WWP2: variants seen among roughly 807,000 people sequenced by gnomAD.
WWP2 encodes NEDD4-like E3 ubiquitin-protein ligase WWP2.
Under a neutral mutation model 121.0 loss-of-function variants are expected in WWP2, and 57 were observed. The observed-to-expected ratio is 0.47, with a 90% CI of 0.38 to 0.59. The LOEUF is 0.59. WWP2 is among the 20% of genes least tolerant of loss of function. WWP2 has a pLI of 0.00. For missense variants in WWP2, 962 were observed against 1,158.9 expected, an observed-to-expected ratio of 0.83 and a Z score of 2.47; for synonymous variants, 449 against 441.3, an observed-to-expected ratio of 1.02 and a Z score of -0.22.
At chr16:69,912,365 A>G (rs985889568) in intron 9 of WWP2, among the ~76,000 whole-genome samples, 1 of 99,758 alleles carries the variant, frequency 1.0e-5, no homozygotes. Context: ...GCAGGGAGTT[A>G]GATTCACACA....
intron 4 of WWP2, among the ~76,000 whole-genome samples, chr16:69,822,617 C>T (rs997891539): frequency 2.0e-5 from 3 of 151,762 alleles, no homozygotes; most frequent in East Asian, 3.9e-4. Context: ...GACACCTGGA[C>T]ACCAGAAAGA....
At chr16:69,920,888 A>C (rs564603989) in intron 10 of WWP2, among the ~76,000 whole-genome samples, 1 of 152,300 alleles carries the variant, frequency 6.6e-6, no homozygotes, top group Admixed American at 6.5e-5. Flanking sequence ...GGTGTGTGAA[A>C]GGGAAGATTC....
chr16:69,762,546 C>G (rs2151759569), intron 1 of WWP2, among the ~76,000 whole-genome samples, 155 bp downstream of exon 1: 1 of 150,382 alleles, frequency 6.6e-6, no homozygotes, highest in African/African-American at 2.4e-5. Context: ...GCGGTTCCGG[C>G]CTCCGAGGAG....
chr16:69,869,676 T>C lies in WWP2; in HGVS notation c.576-2128T>C, dbSNP rs371675192. ...TCATGTTTTTTTCCTTACTCACAAG[T>C]ATACAAGCTCAATGAAGGAAGCTGG... On this transcript the variant is annotated intron_variant, in intron 6 of 23. Coordinates refer to ENST00000359154, the MANE Select transcript of WWP2 (RefSeq NM_001270454.2). Among the ~76,000 whole-genome samples the C allele has an allele frequency of 3.1e-3, 472 of 152,280 alleles. 30 individuals are homozygous for C. The South Asian group carries it at 0.093, about 30-fold the overall frequency.
In WWP2 at chr16:69,871,926, G is replaced by A; in HGVS notation, c.698G>A (p.Gly233Asp). The A allele has an allele frequency of 3.1e-6, 5 of 1,613,482 alleles. No individual in the cohort carries two copies. Among genetic ancestry groups the A allele is most frequent in the South Asian group, 2.2e-5 (2 of 91,016 alleles). Residue 233 changes from glycine to aspartate, a missense_variant, in exon 7 of 24, where the codon GGC becomes GAC. This residue lies in a region of WWP2 where 211 missense variants were observed against 196.5 expected (regional missense o/e 1.07). Transcript: ENST00000359154. ...KNSGHSGLAN[G>D]TVNDEPTTAT... ...TCAGGCCACAGTGGCTTGGCCAATGGCACAGGTGAGTGATGGCACCGCACG... is the reference window on the plus strand; with the variant it reads ...TCAGGCCACAGTGGCTTGGCCAATGACACAGGTGAGTGATGGCACCGCACG...
chr16:69,813,240 G>A (rs772354073), intron 4 of WWP2, among the ~76,000 whole-genome samples: 7 of 149,814 alleles, frequency 4.7e-5, no homozygotes, highest in Admixed American at 1.3e-4. Flanking sequence ...TTCGCTCACC[G>A]CAACCTCCGC....
At chr16:69,767,240 A>G (rs1005870525) in intron 1 of WWP2, among the ~76,000 whole-genome samples, 1 of 152,052 alleles carries the variant, frequency 6.6e-6, no homozygotes, top group African/African-American at 2.4e-5. Flanking sequence ...TGTTTGAAAT[A>G]TGTATTGGTT....
intron 2 of WWP2, among the ~76,000 whole-genome samples, chr16:69,792,288 A>G (rs2055929671): frequency 1.3e-5 from 2 of 152,210 alleles, no homozygotes; most frequent in Admixed American, 1.3e-4. Flanking sequence ...GCATAGTATA[A>G]TAAAACAAGA....
chr16:69,775,312 G>A (rs2055501759), intron 1 of WWP2, among the ~76,000 whole-genome samples: 1 of 152,172 alleles, frequency 6.6e-6, no homozygotes, highest in Non-Finnish European at 1.5e-5. Flanking sequence ...TAGGCTTTAT[G>A]ACCTGCTTTA....
Position 69,871,884 on chromosome 16 carries a change from G to C in WWP2, c.656G>C (p.Arg219Pro), listed in dbSNP as rs776475086. Residue 219 changes from arginine (R) to proline (P), a missense_variant, in exon 7 of 24, where the codon CGC (arginine) becomes CCC (proline). Arg to Pro is a moderately radical substitution (Grantham distance 103). This residue lies in a region of WWP2 where 211 missense variants were observed against 196.5 expected (regional missense o/e 1.07). Coordinates refer to ENST00000359154, the MANE Select transcript of WWP2 (RefSeq NM_001270454.2). ...EQSPGARSRH[R>P]QPVKNSGHSG... ...AGCCCCGGTGCTCGGAGCCGGCACC[G>C]CCAGCCCGTCAAGAACTCAGGCCAC... The C allele has an allele frequency of 6.2e-7, 1 of 1,614,050 alleles. No individual in the cohort carries two copies. Among genetic ancestry groups the C allele is most frequent in the African/African-American group, 1.3e-5 (1 of 75,042 alleles).
rs574284191 is a variant in WWP2 at position 69,872,278 on chromosome 16, G to A, written c.703+347G>A. On this transcript the variant is annotated intron_variant, in intron 7 of 23. Coordinates refer to ENST00000359154, the MANE Select transcript of WWP2 (RefSeq NM_001270454.2). ...GTCGCCCAGGCTGGAGTGCAGTGGC[G>A]TGATCTCGGCTCACTGCAAGCTCCG... is the stretch of plus-strand genomic sequence containing the variant. Among the ~76,000 whole-genome samples, 375 of 151,646 alleles carry A rather than the reference G, an allele frequency of 2.5e-3. 2 individuals carry two copies. Among genetic ancestry groups the A allele is most frequent in the African/African-American group, 7.8e-3 (321 of 41,286 alleles).
intron 7 of WWP2, among the ~76,000 whole-genome samples, chr16:69,887,053 T>G (rs1053833872): frequency 2.6e-5 from 4 of 152,224 alleles, no homozygotes; most frequent in Admixed American, 1.3e-4. Context: ...TATTTGATCC[T>G]TTTTTGAGTT....
intron 7 of WWP2, among the ~76,000 whole-genome samples, chr16:69,876,065 C>A (rs1026542795): frequency 3.9e-5 from 6 of 152,244 alleles, no homozygotes; most frequent in African/African-American, 1.2e-4. Flanking sequence ...TAAAGCAGTT[C>A]TCATACCTCA....
chr16:69,869,720 A>G (rs2057597121), intron 6 of WWP2, among the ~76,000 whole-genome samples: 1 of 152,212 alleles, frequency 6.6e-6, no homozygotes, highest in African/African-American at 2.4e-5. Flanking sequence ...AGAAGAGCAC[A>G]AAAGGGCTTC....
At position 69,871,849 on chromosome 16, in the gene WWP2, C is replaced by T. The variant is rs747581228; in HGVS notation, c.621C>T (p.Thr207=). Residue 207 remains threonine, a synonymous_variant, in exon 7 of 24, where the codon ACC becomes ACT. Coordinates refer to ENST00000359154, the MANE Select transcript of WWP2 (RefSeq NM_001270454.2). ...SGASARTTPA[T]GEQSPGARSR... ...CTTCAGCCAGAACAACCCCAGCAAC[C>T]GGCGAGCAAAGCCCCGGTGCTCGGA... 1.5e-5 allele frequency: 25 copies of T among 1,614,000 alleles called. No homozygotes were observed. Among genetic ancestry groups the T allele is most frequent in the East Asian group, 4.5e-5 (2 of 44,896 alleles).
chr16:69,873,555 C>T (rs886242756), intron 7 of WWP2, among the ~76,000 whole-genome samples: 5 of 152,188 alleles, frequency 3.3e-5, no homozygotes, highest in Admixed American at 2.0e-4. Context: ...CTGGAACATC[C>T]GGTGGTAGCT....
chr16:69,782,152 G>A (rs549712260), intron 1 of WWP2, among the ~76,000 whole-genome samples: 12 of 152,152 alleles, frequency 7.9e-5, no homozygotes, highest in East Asian at 5.8e-4. Context: ...GCGTGTTAGC[G>A]GGTGCCTGTA....
At position 69,917,857 on chromosome 16, in the gene WWP2, C is replaced by A; in HGVS notation, c.1153C>A (p.His385Asn). Residue 385 changes from histidine to asparagine, a missense_variant, in exon 10 of 24, where the codon CAC becomes AAC. Around this residue, in one of 3 missense-constraint regions of WWP2, gnomAD observed 606 missense variants for 772.6 expected, o/e 0.78. Coordinates refer to ENST00000359154, the MANE Select transcript of WWP2 (RefSeq NM_001270454.2). Reference protein sequence around the residue: ...QRNQLQGAMQHFSQRFLYQSS... With the variant: ...QRNQLQGAMQNFSQRFLYQSS... ...GAATCAGCTCCAGGGGGCCATGCAG[C>A]ACTTCAGCCAAAGATTCCTCTACCA... is the stretch of plus-strand genomic sequence containing the variant. 6.2e-7 allele frequency: 1 copy of A among 1,612,428 alleles called. No homozygotes were observed. The highest frequency in any genetic ancestry group is 8.5e-7 in the Non-Finnish European group (1 of 1,178,506).
intron 8 of WWP2, among the ~76,000 whole-genome samples, chr16:69,888,709 CTT>C (rs112484554): frequency 3.5e-5 from 5 of 144,660 alleles, no homozygotes; most frequent in Admixed American, 6.9e-5. Context: ...TCTTGCCATC[CTT>C]TTTTTTTTTT....
Sources: allele counts gnomAD v4.1 joint callset (sites outside exome capture counted in the v4.1 genomes callset), GRCh38; gene constraint gnomAD v4.1.1; regional missense constraint gnomAD v4.1.1; transcripts MANE v1.5; gene names NCBI Gene and HGNC (gene_info 2026-07-23, HGNC 2026-07-21).